The following SEMA3A variants were observed in gnomAD, a reference collection of about 807,000 sequenced individuals.
SEMA3A encodes the protein semaphorin-3A.
A neutral mutation model predicts 97.9 loss-of-function variants in SEMA3A; 29 were observed. The observed-to-expected ratio is 0.30, with a 90% CI of 0.22 to 0.40. The LOEUF is 0.40. Among genes scored for constraint, SEMA3A ranks in the 10% least tolerant of loss-of-function variants. The probability of loss-of-function intolerance (pLI) is 1.00; values close to 1 mark genes in which losing one functional copy is unlikely to be tolerated. For missense variants in SEMA3A, 763 were observed against 951.3 expected, an observed-to-expected ratio of 0.80 and a Z score of 2.60; for synonymous variants, 321 against 323.7, an observed-to-expected ratio of 0.99 and a Z score of 0.09.
At chr7:83,970,646 A>G (rs943495172) in intron 15 of SEMA3A, among the ~76,000 whole-genome samples, 1 of 152,346 alleles carries the variant, frequency 6.6e-6, no homozygotes, top group Non-Finnish European at 1.5e-5. Flanking sequence ...TGTAAATAAT[A>G]CATGTAAAAC....
intron 2 of SEMA3A, among the ~76,000 whole-genome samples, chr7:84,338,073 T>C (rs1427512079): frequency 2.0e-5 from 3 of 151,884 alleles, no homozygotes; most frequent in Admixed American, 6.6e-5. Flanking sequence ...TACATATATA[T>C]ACACACATAT....
intron 1 of SEMA3A, among the ~76,000 whole-genome samples, chr7:84,375,268 C>A (rs1803070224): frequency 1.3e-5 from 2 of 152,146 alleles, no homozygotes; most frequent in Non-Finnish European, 2.9e-5. Flanking sequence ...GATCCACCCA[C>A]CTTGGCCTCC....
intron 6 of SEMA3A, among the ~76,000 whole-genome samples, chr7:84,024,076 A>G (rs1296446139): frequency 6.6e-6 from 1 of 152,162 alleles, no homozygotes; most frequent in Non-Finnish European, 1.5e-5. Context: ...TCACACTTTA[A>G]AGGAGGTCCC....
chr7:84,453,986 T>G (rs779768448), intron 1 of SEMA3A, among the ~76,000 whole-genome samples: 1 of 152,156 alleles, frequency 6.6e-6, no homozygotes, highest in African/African-American at 2.4e-5. Flanking sequence ...GGTGGACTTA[T>G]AAATTATTCT....
intron 1 of SEMA3A, among the ~76,000 whole-genome samples, chr7:84,475,412 G>A (rs1401266312): frequency 6.6e-6 from 1 of 152,036 alleles, no homozygotes; most frequent in African/African-American, 2.4e-5. Flanking sequence ...AAATTCATAG[G>A]AAACAGATAG....
rs899508317 is a variant in SEMA3A, at chr7:84,121,804, A to G, written c.333+7319T>C. Among the ~76,000 whole-genome samples the G allele has an allele frequency of 7.9e-4, 35 of 44,146 alleles. 14 individuals are homozygous for G. The highest frequency in any genetic ancestry group is 2.5e-3 in the African/African-American group (29 of 11,392). The allele number at this position is 44,146 out of a possible 152,430, so 29.0% of individuals were successfully genotyped here. On this transcript the variant is annotated intron_variant, in intron 3 of 16. Transcript: ENST00000265362. The stretch of plus-strand genomic sequence containing the variant: ...CAGGCGCCCGCCACTACGCCCGGCT[A>G]ATTTTTTTGTATTTTTAGTAGAGAC...
At chr7:84,083,405 GAT>G (rs1794227273) in intron 4 of SEMA3A, among the ~76,000 whole-genome samples, 1 of 150,854 alleles carries the variant, frequency 6.6e-6, no homozygotes, top group Non-Finnish European at 1.5e-5. Context: ...GGGTAATTGG[GAT>G]ATCTATCACC....
intron 2 of SEMA3A, among the ~76,000 whole-genome samples, chr7:84,326,771 C>T (rs534776874): frequency 6.6e-6 from 1 of 152,072 alleles, no homozygotes; most frequent in South Asian, 2.1e-4. Context: ...TAGCCATATG[C>T]AGTAGACTGA....
At chr7:84,009,502 C>T (rs17158484) in intron 9 of SEMA3A, among the ~76,000 whole-genome samples, 2 of 152,096 alleles carry the variant, frequency 1.3e-5, no homozygotes, top group African/African-American at 2.4e-5. Flanking sequence ...TGCAGTTAAT[C>T]ATTTTCTTTG....
intron 6 of SEMA3A, among the ~76,000 whole-genome samples, chr7:84,029,966 A>C (rs1435774945): frequency 6.6e-6 from 1 of 152,146 alleles, no homozygotes; most frequent in Non-Finnish European, 1.5e-5. Flanking sequence ...GTCTTTTTAC[A>C]TTGTCAACGT....
At chr7:84,465,964 A>T (rs1252155379) in intron 1 of SEMA3A, among the ~76,000 whole-genome samples, 1 of 152,106 alleles carries the variant, frequency 6.6e-6, no homozygotes, top group Non-Finnish European at 1.5e-5. Context: ...ATGGCTTCAC[A>T]ATTTATCCAG....
chr7:84,351,884 G>C (rs958128638), intron 2 of SEMA3A, among the ~76,000 whole-genome samples: 4 of 152,036 alleles, frequency 2.6e-5, no homozygotes, highest in Non-Finnish European at 5.9e-5. Flanking sequence ...ATACCTGAAA[G>C]AAAGGAAATC....
At chr7:84,346,375 A>C (rs1318963781) in intron 2 of SEMA3A, among the ~76,000 whole-genome samples, 1 of 152,160 alleles carries the variant, frequency 6.6e-6, no homozygotes, top group East Asian at 1.9e-4. Flanking sequence ...TTTAATTTGC[A>C]TTCACAACTT....
chr7:84,169,243 A>G (rs999621978), intron 1 of SEMA3A, among the ~76,000 whole-genome samples: 3 of 151,524 alleles, frequency 2.0e-5, no homozygotes, highest in African/African-American at 7.2e-5. Flanking sequence ...ATATGATCAA[A>G]TGTTTTAAAA....
At chr7:84,151,405 G>A (rs1796664883) in intron 1 of SEMA3A, among the ~76,000 whole-genome samples, 1 of 151,512 alleles carries the variant, frequency 6.6e-6, no homozygotes, top group South Asian at 2.1e-4. Flanking sequence ...AGGAGCTGAT[G>A]GAGCTGAAAA....
chr7:84,392,936 G>A (rs1803623163), intron 1 of SEMA3A, among the ~76,000 whole-genome samples: 1 of 151,962 alleles, frequency 6.6e-6, no homozygotes, highest in African/African-American at 2.4e-5. Context: ...ATATATTTTG[G>A]ATACTAATTC....
intron 2 of SEMA3A, among the ~76,000 whole-genome samples, chr7:84,132,614 T>C (rs577291914): frequency 6.7e-6 from 1 of 149,654 alleles, no homozygotes; most frequent in South Asian, 2.1e-4. Context: ...TTTTAACTGA[T>C]AAAATTTCCT....
At chr7:84,434,085 C>T (rs1009589696) in intron 1 of SEMA3A, among the ~76,000 whole-genome samples, 4 of 151,998 alleles carry the variant, frequency 2.6e-5, no homozygotes, top group Non-Finnish European at 5.9e-5. Flanking sequence ...AATCAGATGC[C>T]ATTTGTCTTG....
At chr7:83,973,951 T>C (rs1789025494) in intron 15 of SEMA3A, among the ~76,000 whole-genome samples, 1 of 151,334 alleles carries the variant, frequency 6.6e-6, no homozygotes, top group African/African-American at 2.4e-5. Flanking sequence ...ATATGGCCCA[T>C]TCTTAGTGAG....
Sources: allele counts gnomAD v4.1 joint callset (sites outside exome capture counted in the v4.1 genomes callset), GRCh38; gene constraint gnomAD v4.1.1; transcripts MANE v1.5; gene names NCBI Gene and HGNC (gene_info 2026-07-23, HGNC 2026-07-21).